PACRG: variants seen among roughly 807,000 people sequenced by gnomAD.
The protein encoded by PACRG is parkin coregulated gene protein.
PACRG carries 29 observed loss-of-function variants against 29.7 expected under a neutral mutation model. The ratio of observed to expected loss-of-function variants is 0.98; its 90% CI spans 0.73 to 1.33. The LOEUF (loss-of-function observed/expected upper bound fraction) is 1.33. Among genes scored for constraint, PACRG ranks in the 40% most tolerant of loss-of-function variants. The probability of loss-of-function intolerance (pLI) is 0.00; values close to 1 mark genes in which losing one functional copy is unlikely to be tolerated. For synonymous variants in PACRG, 116 were observed against 118.7 expected (o/e 0.98, Z 0.15); for missense variants, 279 against 316.2 (o/e 0.88, Z 0.89).
chr6:162,794,541 T>G (rs2128331697), intron 1 of PACRG, among the ~76,000 whole-genome samples: 1 of 152,346 alleles, frequency 6.6e-6, no homozygotes, highest in South Asian at 2.1e-4. Context: ...ATAAAGATTT[T>G]TTTCTGCATT....
chr6:163,056,743 G>A (rs1435512280), intron 2 of PACRG, among the ~76,000 whole-genome samples: 1 of 152,160 alleles, frequency 6.6e-6, no homozygotes, highest in African/African-American at 2.4e-5. Flanking sequence ...GGCATTCCCG[G>A]AACTGAGGTT....
At chr6:163,283,217 T>C (rs868602072) in intron 4 of PACRG, among the ~76,000 whole-genome samples, 4 of 152,246 alleles carry the variant, frequency 2.6e-5, no homozygotes, top group African/African-American at 9.6e-5. Context: ...TGACCTTTCC[T>C]GACTCTGGTT....
At chr6:162,872,893 C>G (rs910301820) in intron 2 of PACRG, among the ~76,000 whole-genome samples, 2 of 152,066 alleles carry the variant, frequency 1.3e-5, no homozygotes, top group Non-Finnish European at 2.9e-5. Context: ...ACTTTATTAT[C>G]TCTTATAATT....
chr6:163,054,867 T>C (rs1330128548), intron 2 of PACRG, among the ~76,000 whole-genome samples: 1 of 151,998 alleles, frequency 6.6e-6, no homozygotes, highest in Non-Finnish European at 1.5e-5. Context: ...ATGGAGAGGG[T>C]GGACCTTCTC....
intron 3 of PACRG, among the ~76,000 whole-genome samples, chr6:163,072,969 A>G (rs941291987): frequency 1.3e-5 from 2 of 152,226 alleles, no homozygotes; most frequent in Non-Finnish European, 2.9e-5. Flanking sequence ...CAAAAAATGG[A>G]AAGATATTTT....
At chr6:162,884,014 C>T (rs1442860264) in intron 2 of PACRG, among the ~76,000 whole-genome samples, 3 of 152,022 alleles carry the variant, frequency 2.0e-5, no homozygotes, top group African/African-American at 4.8e-5. Context: ...CGTAGCTTAC[C>T]GAAGCCTTGA....
At chr6:162,781,956 A>C (rs1211269216) in intron 1 of PACRG, among the ~76,000 whole-genome samples, 1 of 151,912 alleles carries the variant, frequency 6.6e-6, no homozygotes, top group African/African-American at 2.4e-5. Flanking sequence ...AAAAACACCA[A>C]TGAAAAGGAA....
chr6:163,133,084 G>T (rs143344995), intron 4 of PACRG, among the ~76,000 whole-genome samples: 1 of 152,162 alleles, frequency 6.6e-6, no homozygotes, highest in Non-Finnish European at 1.5e-5. Context: ...CAGGTTAATA[G>T]GCCAGTATTG....
intron 2 of PACRG, among the ~76,000 whole-genome samples, chr6:162,818,098 T>C (rs1787513858): frequency 1.3e-5 from 2 of 152,186 alleles, no homozygotes; most frequent in African/African-American, 4.8e-5. Flanking sequence ...TAAAAAAGCA[T>C]AAGGAATACT....
intron 2 of PACRG, among the ~76,000 whole-genome samples, chr6:162,960,517 T>C (rs775431142): frequency 2.6e-5 from 4 of 152,122 alleles, no homozygotes; most frequent in South Asian, 2.1e-4. Context: ...GAAAACCAAA[T>C]ACTGCACATT....
At chr6:163,269,428 G>A (rs927020983) in intron 4 of PACRG, among the ~76,000 whole-genome samples, 1 of 152,198 alleles carries the variant, frequency 6.6e-6, no homozygotes, top group African/African-American at 2.4e-5. Context: ...TCTGTAGATA[G>A]CCCCTACATC....
At position 162,950,763 on chromosome 6, in the gene PACRG, A is replaced by G. The variant is rs192939684; in HGVS notation, c.292-111387A>G. 3.6e-3 allele frequency among the ~76,000 whole-genome samples: 551 copies of G among 152,332 alleles called. 5 individuals carry two copies. Among genetic ancestry groups the G allele is most frequent in the African/African-American group, 0.012 (498 of 41,568 alleles). ...ATACAAACTGATATTTTAAACTTGTAAAATGTATATGGGAAAAATTCAATA... is the reference window on the plus strand; with the variant it reads ...ATACAAACTGATATTTTAAACTTGTGAAATGTATATGGGAAAAATTCAATA... On this transcript the variant is annotated intron_variant, in intron 2 of 4. Transcript: ENST00000366888.
intron 4 of PACRG, among the ~76,000 whole-genome samples, chr6:163,195,933 C>T (rs1562958636): frequency 1.3e-5 from 2 of 152,188 alleles, no homozygotes; most frequent in Admixed American, 6.5e-5. Context: ...TGATTCTCGC[C>T]TCCATTCTCC....
intron 4 of PACRG, among the ~76,000 whole-genome samples, chr6:163,246,536 G>A (rs1232701940): frequency 1.3e-5 from 2 of 152,080 alleles, no homozygotes; most frequent in Non-Finnish European, 2.9e-5. Flanking sequence ...TTACATAGCC[G>A]TTTGCTTAAT....
At chr6:163,037,198 G>A (rs1401890602) in intron 2 of PACRG, among the ~76,000 whole-genome samples, 6 of 152,178 alleles carry the variant, frequency 3.9e-5, no homozygotes, top group African/African-American at 1.4e-4. Flanking sequence ...GGCATCTGAA[G>A]CCCGTCCGAG....
intron 2 of PACRG, among the ~76,000 whole-genome samples, chr6:162,928,486 A>G (rs775200807): frequency 6.6e-6 from 1 of 151,772 alleles, no homozygotes; most frequent in Admixed American, 6.6e-5. Flanking sequence ...TTTTGTATTG[A>G]TACATAATAG....
chr6:163,229,280 T>C (rs1254436775), intron 4 of PACRG, among the ~76,000 whole-genome samples: 2 of 152,066 alleles, frequency 1.3e-5, no homozygotes, highest in Non-Finnish European at 2.9e-5. Flanking sequence ...GCCCAGGAGT[T>C]AGAGGCTGCA....
chr6:163,152,127 T>C (rs1189419193), intron 4 of PACRG, among the ~76,000 whole-genome samples: 2 of 152,210 alleles, frequency 1.3e-5, no homozygotes, highest in Admixed American at 1.3e-4. Context: ...TTAGAGGTTT[T>C]AGCAATTGCC....
At chr6:162,983,170 TC>T (rs1443414882) in intron 2 of PACRG, among the ~76,000 whole-genome samples, 1 of 151,966 alleles carries the variant, frequency 6.6e-6, no homozygotes, top group African/African-American at 2.4e-5. Flanking sequence ...CATTTTGCAC[TC>T]CTTTCTCTAG....
Sources: gnomAD v4.1 joint callset for allele counts (sites outside exome capture counted in the v4.1 genomes callset) on GRCh38, gnomAD v4.1.1 for gene constraint, MANE v1.5 for transcripts, NCBI Gene and HGNC (gene_info 2026-07-23, HGNC 2026-07-21) for gene names.